Variants in BICC1 observed in about 807,000 individuals in gnomAD.
BICC1 encodes BicC family RNA binding protein 1, also known as protein bicaudal C homolog 1.
In BICC1, 43 loss-of-function variants were observed where a neutral mutation model predicts 111.0. That is an observed-to-expected ratio of 0.39 (90% confidence interval 0.30 to 0.50). The LOEUF is 0.50. Ranked by LOEUF, BICC1 falls within the 20% of genes least tolerant of loss-of-function variation. The probability of loss-of-function intolerance (pLI) is 0.88; values close to 1 mark genes in which losing one functional copy is unlikely to be tolerated. For synonymous variants in BICC1, 467 were observed against 434.4 expected, an observed-to-expected ratio of 1.07 and a Z score of -0.93; for missense variants, 1,091 against 1,203.2, an observed-to-expected ratio of 0.91 and a Z score of 1.38.
intron 1 of BICC1, among the ~76,000 whole-genome samples, chr10:58,594,800 TAAA>T (rs1844757291): frequency 6.6e-6 from 1 of 151,990 alleles, no homozygotes. Context: ...ATCGACAACA[TAAA>T]GAAACTGCAT....
At chr10:58,570,976 T>A (rs1843930905) in intron 1 of BICC1, among the ~76,000 whole-genome samples, 1 of 152,200 alleles carries the variant, frequency 6.6e-6, no homozygotes, top group African/African-American at 2.4e-5. Flanking sequence ...TGCTTGATTC[T>A]GGTCATTTTT....
intron 1 of BICC1, among the ~76,000 whole-genome samples, chr10:58,549,920 C>T (rs1470963315): frequency 6.6e-6 from 1 of 151,926 alleles, no homozygotes; most frequent in Non-Finnish European, 1.5e-5. Context: ...ACACCTTTAC[C>T]TCAGGTGATC....
At chr10:58,768,766 C>G (rs1199915019) in intron 3 of BICC1, among the ~76,000 whole-genome samples, 1 of 152,052 alleles carries the variant, frequency 6.6e-6, no homozygotes, top group Non-Finnish European at 1.5e-5. Flanking sequence ...TTTTGTGTAA[C>G]TCCATTGTAA....
intron 20 of BICC1, among the ~76,000 whole-genome samples, chr10:58,824,790 G>A (rs1213061054): frequency 6.6e-6 from 1 of 152,084 alleles, no homozygotes; most frequent in Non-Finnish European, 1.5e-5. Flanking sequence ...ATTTTAAACT[G>A]AATAAATTTG....
At chr10:58,716,165 G>C in intron 3 of BICC1, 1 of 1,500,804 alleles carries the variant, frequency 6.7e-7, no homozygotes, top group Non-Finnish European at 9.1e-7. Context: ...GAGGAGGTGC[G>C]AGCAAAAAAG....
chr10:58,621,456 C>A (rs1272216798), intron 2 of BICC1, among the ~76,000 whole-genome samples: 2 of 152,110 alleles, frequency 1.3e-5, no homozygotes, highest in African/African-American at 4.8e-5. Flanking sequence ...ATACTGAATA[C>A]CCGAGCATTT....
rs1182813878 is a variant in BICC1, at chr10:58,800,399, A to G, written c.1858+73A>G. The G allele has an allele frequency of 2.7e-6, 4 of 1,457,694 alleles. No individual in the cohort carries two copies. In the Admixed American group the frequency reaches 6.4e-5, roughly 23 times the overall value. The allele number at this position is 1,457,694 out of a possible 1,614,324, so 90.3% of individuals were successfully genotyped here. ...AAAGGAGGTTGTAGAGAGTCTATGC[A>G]GTGATTTTTGAGTTGGTTTTGCTAA... On this transcript the variant is annotated intron_variant, in intron 13 of 20. Coordinates refer to ENST00000373886, the MANE Select transcript of BICC1 (RefSeq NM_001080512.3).
intron 3 of BICC1, among the ~76,000 whole-genome samples, chr10:58,749,457 T>C (rs918188884): frequency 1.3e-5 from 2 of 152,288 alleles, no homozygotes; most frequent in South Asian, 4.1e-4. Flanking sequence ...TGAGTCTGAA[T>C]ATACAGCAAA....
intron 2 of BICC1, among the ~76,000 whole-genome samples, chr10:58,668,869 G>C (rs1839097592): frequency 6.6e-6 from 1 of 151,992 alleles, no homozygotes; most frequent in Non-Finnish European, 1.5e-5. Flanking sequence ...GCCCCACTCT[G>C]TCTTTAACAG....
chr10:58,826,771 A>G (rs1844411663), intron 20 of BICC1, among the ~76,000 whole-genome samples: 1 of 152,170 alleles, frequency 6.6e-6, no homozygotes. Flanking sequence ...AGAAAAAAGA[A>G]GAAAGAGAAA....
At chr10:58,759,923 C>T (rs1199076836) in intron 3 of BICC1, among the ~76,000 whole-genome samples, 1 of 148,284 alleles carries the variant, frequency 6.7e-6, no homozygotes, top group Non-Finnish European at 1.5e-5. Flanking sequence ...CGCGCTACCA[C>T]ACTCCAGCCT....
intron 3 of BICC1, among the ~76,000 whole-genome samples, chr10:58,781,760 G>C (rs1046739911): frequency 6.6e-6 from 1 of 152,042 alleles, no homozygotes; most frequent in Non-Finnish European, 1.5e-5. Flanking sequence ...GAAAAACAGA[G>C]ACCTGTATTT....
At chr10:58,773,278 A>G (rs1273269485) in intron 3 of BICC1, among the ~76,000 whole-genome samples, 1 of 152,212 alleles carries the variant, frequency 6.6e-6, no homozygotes, top group Non-Finnish European at 1.5e-5. Flanking sequence ...AAGGAGACCA[A>G]CACAAATCTT....
At chr10:58,532,646 C>G (rs989848546) in intron 1 of BICC1, among the ~76,000 whole-genome samples, 1 of 151,730 alleles carries the variant, frequency 6.6e-6, no homozygotes, top group Non-Finnish European at 1.5e-5. Context: ...TTATTCATGC[C>G]TAACTGAAGA....
chr10:58,569,259 G>C (rs1843867297), intron 1 of BICC1, among the ~76,000 whole-genome samples: 1 of 152,140 alleles, frequency 6.6e-6, no homozygotes, highest in Admixed American at 6.6e-5. Flanking sequence ...TTCGTCTACA[G>C]TTTCCTGGAA....
At chr10:58,715,236 A>G (rs1304331909) in intron 3 of BICC1, among the ~76,000 whole-genome samples, 1 of 152,162 alleles carries the variant, frequency 6.6e-6, no homozygotes, top group Admixed American at 6.5e-5. Flanking sequence ...AGATTTCAGG[A>G]ATGAGGAGTT....
chr10:58,699,943 C>T (rs1358772548), intron 2 of BICC1, among the ~76,000 whole-genome samples: 1 of 152,196 alleles, frequency 6.6e-6, no homozygotes, highest in African/African-American at 2.4e-5. Flanking sequence ...CCTCCTGCCT[C>T]AGTCTCCCAA....
At chr10:58,546,323 CTGCCTG>C (rs1843136451) in intron 1 of BICC1, among the ~76,000 whole-genome samples, 1 of 152,106 alleles carries the variant, frequency 6.6e-6, no homozygotes, top group Admixed American at 6.6e-5. Context: ...TTTAAAGGGG[CTGCCTG>C]TGTTGTATTA....
intron 1 of BICC1, among the ~76,000 whole-genome samples, chr10:58,535,082 A>G (rs1377402221): frequency 1.3e-5 from 2 of 151,760 alleles, no homozygotes; most frequent in Non-Finnish European, 1.5e-5. Flanking sequence ...TCTCCAAGAA[A>G]TATGGGATTA....
Sources: gnomAD v4.1 joint callset for allele counts (sites outside exome capture counted in the v4.1 genomes callset) on GRCh38, gnomAD v4.1.1 for gene constraint, MANE v1.5 for transcripts, NCBI Gene and HGNC (gene_info 2026-07-23, HGNC 2026-07-21) for gene names.